The following ABCA13 variants were observed in gnomAD, a reference collection of about 807,000 sequenced individuals.
The protein encoded by ABCA13 is ATP-binding cassette sub-family A member 13.
In ABCA13, 476 loss-of-function variants were observed where a neutral mutation model predicts 478.7. The ratio of observed to expected loss-of-function variants is 0.99; its 90% CI spans 0.92 to 1.07. The LOEUF (loss-of-function observed/expected upper bound fraction) is 1.07, where lower values mean the gene tolerates loss of function less well. Among genes scored for constraint, ABCA13 ranks in the 50% least tolerant of loss-of-function variants. ABCA13 has a pLI of 0.00. For synonymous variants in ABCA13, 2,252 were observed against 2,158.9 expected (o/e 1.04, Z -1.20); for missense variants, 6,060 against 5,910.6 (o/e 1.03, Z -0.83).
At chr7:48,246,826 A>AG (rs1562872818) in intron 13 of ABCA13, among the ~76,000 whole-genome samples, 2 of 152,222 alleles carry the variant, frequency 1.3e-5, no homozygotes, top group African/African-American at 4.8e-5. Flanking sequence ...AACAACAGTG[A>AG]GAGCCTTGGA....
intron 23 of ABCA13, among the ~76,000 whole-genome samples, chr7:48,304,019 A>T (rs1800537695): frequency 6.6e-6 from 1 of 152,274 alleles, no homozygotes; most frequent in East Asian, 1.9e-4. Context: ...CTTTATATTG[A>T]CATGGCTCAT....
chr7:48,180,674 G>A (rs1286603306), intron 1 of ABCA13, among the ~76,000 whole-genome samples: 1 of 152,038 alleles, frequency 6.6e-6, no homozygotes, highest in African/African-American at 2.4e-5. Flanking sequence ...TGATCCATCT[G>A]CCTCGGCCTC....
In ABCA13 at chr7:48,474,337, A is replaced by T. The variant is rs1827846384; in HGVS notation, c.12975+2738A>T. ...ATAATTCTTTTAGGGACAGGAAATG[A>T]TTGTTATAGAGAAAGAATGGGCCAG... On this transcript the variant is annotated intron_variant, in intron 45 of 61. Transcript: ENST00000435803. Among the ~76,000 whole-genome samples the T allele has an allele frequency of 2.6e-5, 4 of 152,130 alleles. No individual in the cohort carries two copies. In the South Asian group the frequency reaches 8.3e-4, roughly 32 times the overall value.
At chr7:48,298,578 G>C in intron 23 of ABCA13, 91 bp downstream of exon 23, 1 of 1,446,082 alleles carries the variant, frequency 6.9e-7, no homozygotes, top group Non-Finnish European at 9.2e-7. Flanking sequence ...CTTCCTTCTT[G>C]CCTTCCTCTC....
chr7:48,488,343 A>G (rs1363732569), intron 47 of ABCA13, among the ~76,000 whole-genome samples: 1 of 152,072 alleles, frequency 6.6e-6, no homozygotes, highest in Non-Finnish European at 1.5e-5. Context: ...GTTAAAAAAT[A>G]ATTAGTTATA....
Position 48,275,211 on chromosome 7 carries a change from T to A in ABCA13, c.5545T>A (p.Ser1849Thr). The change falls in exon 17 of 62, where the codon TCT becomes ACT. Residue 1849 changes from serine to threonine, a missense_variant. Transcript: ENST00000435803. ...DPCNVHGLMS[S>T]SFYGKVASIL... ...CTGCAATGTCCATGGGCTCATGTCT[T>A]CTTCCTTTTATGGCAAAGTGGCCAG... 1 of 1,613,932 alleles carries A rather than the reference T, an allele frequency of 6.2e-7. No individual in the cohort carries two copies. Among genetic ancestry groups the A allele is most frequent in the Non-Finnish European group, 8.5e-7 (1 of 1,179,864 alleles).
intron 58 of ABCA13, among the ~76,000 whole-genome samples, chr7:48,610,312 A>G (rs1204896363): frequency 6.6e-6 from 1 of 152,224 alleles, no homozygotes; most frequent in Non-Finnish European, 1.5e-5. Context: ...ATCTCCTTTG[A>G]TTCCATGTCC....
At chr7:48,388,418 G>T (rs1029360024) in intron 36 of ABCA13, among the ~76,000 whole-genome samples, 2 of 152,192 alleles carry the variant, frequency 1.3e-5, no homozygotes, top group African/African-American at 4.8e-5. Context: ...AATAGGGATT[G>T]TGGTTCTCAG....
intron 27 of ABCA13, among the ~76,000 whole-genome samples, chr7:48,331,563 A>G (rs1234430775): frequency 6.6e-6 from 1 of 152,228 alleles, no homozygotes; most frequent in Non-Finnish European, 1.5e-5. Context: ...TCTTTTAAAA[A>G]TTAACTTTTT....
chr7:48,190,646 T>A (rs922753559), intron 1 of ABCA13, among the ~76,000 whole-genome samples: 18 of 152,238 alleles, frequency 1.2e-4, no homozygotes, highest in African/African-American at 4.1e-4. Context: ...TGGCCCCAAA[T>A]AGAAAAACAT....
chr7:48,403,628 GA>G, intron 38 of ABCA13, 54 bp from the exon 39 acceptor site: 1 of 1,547,590 alleles, frequency 6.5e-7, no homozygotes, highest in South Asian at 1.2e-5. Flanking sequence ...AGTGAAATTA[GA>G]AGCAAAGTTT....
chr7:48,620,823 G>A (rs563909888), intron 59 of ABCA13, among the ~76,000 whole-genome samples: 12 of 152,256 alleles, frequency 7.9e-5, no homozygotes, highest in African/African-American at 1.2e-4. Flanking sequence ...GGTAGAGGGC[G>A]TTGCACACAG....
intron 1 of ABCA13, among the ~76,000 whole-genome samples, chr7:48,187,983 G>A (rs897978121): frequency 5.3e-5 from 8 of 151,960 alleles, no homozygotes; most frequent in Admixed American, 3.9e-4. Context: ...TATACTTGGG[G>A]AGTTCAGCCC....
At chr7:48,438,073 T>A (rs1333803199) in intron 42 of ABCA13, among the ~76,000 whole-genome samples, 1 of 152,098 alleles carries the variant, frequency 6.6e-6, no homozygotes, top group Non-Finnish European at 1.5e-5. Context: ...CAATCTTAGA[T>A]CTAAACTATG....
chr7:48,568,814 T>C (rs12533507), intron 55 of ABCA13, among the ~76,000 whole-genome samples: 112,134 of 151,618 alleles, frequency 0.74, 42,602 homozygotes, highest in African/African-American at 0.91. Context: ...AGTATCTTTA[T>C]TTGTGGATCT....
intron 55 of ABCA13, among the ~76,000 whole-genome samples, chr7:48,561,742 C>G (rs553587940): frequency 6.6e-6 from 1 of 151,922 alleles, no homozygotes; most frequent in African/African-American, 2.4e-5. Flanking sequence ...GATATAATCC[C>G]GTTTGTCTTT....
At chr7:48,300,595 G>A (rs1438463113) in intron 23 of ABCA13, among the ~76,000 whole-genome samples, 2 of 152,142 alleles carry the variant, frequency 1.3e-5, no homozygotes, top group Admixed American at 6.6e-5. Context: ...ACAGAGCTGG[G>A]GCATTTCTGT....
chr7:48,474,128 C>T (rs541652222), intron 45 of ABCA13, among the ~76,000 whole-genome samples: 9 of 152,148 alleles, frequency 5.9e-5, no homozygotes, highest in African/African-American at 2.2e-4. Flanking sequence ...GCAAATTTCC[C>T]TTTCACCCTC....
intron 7 of ABCA13, among the ~76,000 whole-genome samples, chr7:48,233,464 T>C (rs560058330): frequency 2.1e-4 from 32 of 152,198 alleles, no homozygotes; most frequent in Non-Finnish European, 4.1e-4. Flanking sequence ...CATGGGTTTT[T>C]TGGGTAGCTC....
Sources: allele counts gnomAD v4.1 joint callset (sites outside exome capture counted in the v4.1 genomes callset), GRCh38; gene constraint gnomAD v4.1.1; transcripts MANE v1.5; gene names NCBI Gene and HGNC (gene_info 2026-07-23, HGNC 2026-07-21).